The following ZNF804A variants were observed in gnomAD, a reference collection of about 807,000 sequenced individuals.
ZNF804A encodes the protein zinc finger protein 804A.
ZNF804A carries 2 observed loss-of-function variants against 16.5 expected under a neutral mutation model. That is an observed-to-expected ratio of 0.12 (90% confidence interval 0.05 to 0.38). ZNF804A has a LOEUF of 0.38. Among genes scored for constraint, ZNF804A ranks in the 10% least tolerant of loss-of-function variants. ZNF804A has a pLI of 0.99. For missense variants in ZNF804A, 1,473 were observed against 1,390.7 expected (o/e 1.06, Z -0.94); for synonymous variants, 534 against 489.6 (o/e 1.09, Z -1.20).
chr2:184,843,238 T>C (rs867371268), intron 1 of ZNF804A, among the ~76,000 whole-genome samples: 16 of 152,222 alleles, frequency 1.1e-4, no homozygotes, highest in South Asian at 2.1e-4. Context: ...TCAACACTTT[T>C]TTTAAAGTTA....
intron 1 of ZNF804A, among the ~76,000 whole-genome samples, chr2:184,740,179 A>G (rs528892571): frequency 2.4e-4 from 37 of 152,282 alleles, no homozygotes; most frequent in Middle Eastern, 6.8e-3. Flanking sequence ...GTGGAATTTC[A>G]TATTTTTTGT....
At position 184,599,031 on chromosome 2, in the gene ZNF804A, T is replaced by A; in HGVS notation, c.72T>A (p.Val24=). 1 of 1,614,076 alleles carries A rather than the reference T, an allele frequency of 6.2e-7. No homozygotes were observed. ...GACACTTTCGCAACATCAAGGGAGT[T>A]TTCCGGGGCCCTCTCAGCAAGAACG... ...SNGHFRNIKG[V]FRGPLSKNGN... is the part of the protein sequence containing the mutation. The change falls in exon 1 of 4, where the codon GTT becomes GTA. Residue 24 remains valine (V), a synonymous_variant. Coordinates refer to ENST00000302277, the MANE Select transcript of ZNF804A (RefSeq NM_194250.2).
Position 184,933,591 on chromosome 2 carries a change from T to A in ZNF804A, c.256-12T>A. 6.4e-7 allele frequency: 1 copy of A among 1,574,262 alleles called. No homozygotes were observed. On this transcript the variant is annotated splice_polypyrimidine_tract_variant and intron_variant, in intron 2 of 3. Transcript: ENST00000302277. ...AAATACAATTAATCATTTTCCAACT[T>A]TTTTTTAACAGAGGCTCAAGGAACT...
intron 1 of ZNF804A, among the ~76,000 whole-genome samples, chr2:184,644,479 A>G (rs1691842000): frequency 6.6e-6 from 1 of 151,812 alleles, no homozygotes; most frequent in Admixed American, 6.6e-5. Flanking sequence ...CATCCTGGTG[A>G]TATATAAAAT....
At chr2:184,934,022 G>A (rs1685745891) in intron 3 of ZNF804A, among the ~76,000 whole-genome samples, 1 of 151,856 alleles carries the variant, frequency 6.6e-6, no homozygotes, top group Non-Finnish European at 1.5e-5. Flanking sequence ...CCCATTTCTT[G>A]GTGATACTCA....
At chr2:184,643,525 A>C (rs1233645747) in intron 1 of ZNF804A, among the ~76,000 whole-genome samples, 1 of 151,970 alleles carries the variant, frequency 6.6e-6, no homozygotes, top group African/African-American at 2.4e-5. Context: ...CAAGAGCAAC[A>C]AATCTATTTT....
chr2:184,823,874 G>GA (rs1179647878), intron 1 of ZNF804A, among the ~76,000 whole-genome samples: 1 of 152,062 alleles, frequency 6.6e-6, no homozygotes, highest in East Asian at 1.9e-4. Context: ...CAGCAGGTAA[G>GA]AAAAAATTCA....
At chr2:184,829,676 G>A (rs955066544) in intron 1 of ZNF804A, among the ~76,000 whole-genome samples, 2 of 151,596 alleles carry the variant, frequency 1.3e-5, no homozygotes, top group African/African-American at 4.8e-5. Context: ...TTTATTAGGT[G>A]AACCATAGAT....
intron 2 of ZNF804A, among the ~76,000 whole-genome samples, chr2:184,906,021 A>G (rs565392690): frequency 4.8e-4 from 73 of 152,278 alleles, no homozygotes; most frequent in African/African-American, 1.5e-3. Flanking sequence ...CTTCTGGCCA[A>G]TTCTCTTGGT....
chr2:184,773,180 T>A (rs916002216), intron 1 of ZNF804A, among the ~76,000 whole-genome samples: 15 of 151,332 alleles, frequency 9.9e-5, no homozygotes, highest in East Asian at 2.0e-4. Context: ...AGCTTACTTT[T>A]AAAAAAAACA....
At chr2:184,799,900 C>T (rs199770596) in intron 1 of ZNF804A, among the ~76,000 whole-genome samples, 1 of 152,092 alleles carries the variant, frequency 6.6e-6, no homozygotes, top group Non-Finnish European at 1.5e-5. Context: ...CTATCAATTG[C>T]CTTAAGTGTG....
At chr2:184,896,175 C>T (rs1685062329) in intron 2 of ZNF804A, among the ~76,000 whole-genome samples, 2 of 152,102 alleles carry the variant, frequency 1.3e-5, no homozygotes, top group South Asian at 4.1e-4. Context: ...TATCAATCAC[C>T]CCTAATAATT....
intron 1 of ZNF804A, among the ~76,000 whole-genome samples, chr2:184,807,867 T>G (rs1401441644): frequency 6.6e-6 from 1 of 151,720 alleles, no homozygotes; most frequent in Non-Finnish European, 1.5e-5. Context: ...CAAAGACCAA[T>G]ATTATTTAGA....
chr2:184,874,578 T>TA lies in ZNF804A; in HGVS notation c.255+8074dup, dbSNP rs573862647. 5.9e-5 allele frequency among the ~76,000 whole-genome samples: 9 copies of TA among 152,090 alleles called. No homozygotes were observed. In the South Asian group the frequency reaches 1.5e-3, roughly 25 times the overall value. Reference sequence around the variant, plus strand: ...GCCATTCAAGTCTTTCACCATTTCCTAAAAAAAATTAAAATATCTCCCCTG... The same window carrying TA: ...GCCATTCAAGTCTTTCACCATTTCCTAAAAAAAAATTAAAATATCTCCCCTG... On this transcript the variant is annotated intron_variant, in intron 2 of 3. Transcript: ENST00000302277.
At chr2:184,676,257 T>C (rs1387820900) in intron 1 of ZNF804A, among the ~76,000 whole-genome samples, 1 of 151,630 alleles carries the variant, frequency 6.6e-6, no homozygotes, top group African/African-American at 2.4e-5. Flanking sequence ...ACAGTGAATA[T>C]ATGAATTATT....
At chr2:184,774,871 G>T (rs1694263821) in intron 1 of ZNF804A, among the ~76,000 whole-genome samples, 1 of 151,350 alleles carries the variant, frequency 6.6e-6, no homozygotes, top group Non-Finnish European at 1.5e-5. Flanking sequence ...TATTATTGTG[G>T]CCATAAACAA....
chr2:184,713,984 T>A (rs1693175047), intron 1 of ZNF804A, among the ~76,000 whole-genome samples: 1 of 152,028 alleles, frequency 6.6e-6, no homozygotes. Context: ...AAAAATAGGC[T>A]ATGCAATAAG....
intron 1 of ZNF804A, among the ~76,000 whole-genome samples, chr2:184,784,443 T>TA (rs1279046807): frequency 6.6e-6 from 1 of 151,970 alleles, no homozygotes; most frequent in Non-Finnish European, 1.5e-5. Flanking sequence ...GCATACAGTT[T>TA]ATTCTTCATT....
At chr2:184,694,475 A>G (rs1692787967) in intron 1 of ZNF804A, among the ~76,000 whole-genome samples, 2 of 152,150 alleles carry the variant, frequency 1.3e-5, no homozygotes, top group Admixed American at 1.3e-4. Context: ...TAACATACAG[A>G]TAGATACATA....
Sources: allele counts gnomAD v4.1 joint callset (sites outside exome capture counted in the v4.1 genomes callset), GRCh38; gene constraint gnomAD v4.1.1; transcripts MANE v1.5; gene names NCBI Gene and HGNC (gene_info 2026-07-23, HGNC 2026-07-21).